PTPRN2: variants seen among roughly 807,000 people sequenced by gnomAD.
PTPRN2 encodes receptor-type tyrosine-protein phosphatase N2.
PTPRN2 carries 74 observed loss-of-function variants against 118.8 expected under a neutral mutation model. That is an observed-to-expected ratio of 0.62 (90% CI 0.52 to 0.76). The LOEUF is 0.76. PTPRN2 is among the 30% of genes least tolerant of loss of function. The pLI is 0.00. For synonymous variants in PTPRN2, 641 were observed against 608.0 expected (o/e 1.05, Z -0.80); for missense variants, 1,481 against 1,394.4 (o/e 1.06, Z -0.99).
At chr7:157,605,967 ATC>A (rs1801977914) in intron 15 of PTPRN2, among the ~76,000 whole-genome samples, 1 of 152,176 alleles carries the variant, frequency 6.6e-6, no homozygotes, top group Non-Finnish European at 1.5e-5. Flanking sequence ...TTGCCCAGGA[ATC>A]TCTGTCTCCT....
In PTPRN2 at chr7:158,093,214, G is replaced by A. The variant is rs528873096; in HGVS notation, c.1644-11837C>T. ...ACCTCTGTCCTTTCCTGACTCTGCC[G>A]CTGGACCGACCCCCCACACTGTAGA... On this transcript the variant is annotated intron_variant, in intron 10 of 22. Transcript: ENST00000389418. The surrounding 1 kb of genome is among the most constrained non-coding windows in gnomAD (Gnocchi z 4.4). Among the ~76,000 whole-genome samples, 7 of 54,672 alleles carry A rather than the reference G, an allele frequency of 1.3e-4. 2 individuals are homozygous for A. The East Asian group carries it at 3.7e-3, about 29-fold the overall frequency. 35.9% of individuals were successfully genotyped at this position (54,672 alleles called of 152,430 possible).
chr7:158,267,446 C>T (rs1175221500), intron 3 of PTPRN2, among the ~76,000 whole-genome samples: 1 of 152,176 alleles, frequency 6.6e-6, no homozygotes, highest in Non-Finnish European at 1.5e-5. Context: ...GTGGACAACG[C>T]CCAGACCCTG....
At chr7:158,489,202 T>G (rs149495475) in intron 2 of PTPRN2, among the ~76,000 whole-genome samples, 29,156 of 152,164 alleles carry the variant, frequency 0.19, 3,287 homozygotes, top group East Asian at 0.41. Context: ...TCCCAGCAGT[T>G]TGGGAGGCCG....
intron 2 of PTPRN2, among the ~76,000 whole-genome samples, chr7:158,358,842 G>A (rs1808597284): frequency 6.6e-6 from 1 of 152,260 alleles, no homozygotes; most frequent in South Asian, 2.1e-4. Context: ...GGAATAGAAA[G>A]TTGGCAGGTG....
chr7:158,196,290 C>G (rs1826205512), intron 4 of PTPRN2, among the ~76,000 whole-genome samples: 1 of 152,172 alleles, frequency 6.6e-6, no homozygotes, highest in Non-Finnish European at 1.5e-5. Flanking sequence ...CTCAAGCTGC[C>G]TTGGTTTCCC....
chr7:158,513,970 G>A (rs1490168165), intron 1 of PTPRN2, among the ~76,000 whole-genome samples: 1 of 152,220 alleles, frequency 6.6e-6, no homozygotes, highest in East Asian at 1.9e-4. Flanking sequence ...CAAAGGGTGT[G>A]ATTTTGAAGC....
chr7:157,964,811 A>G lies in PTPRN2; in HGVS notation c.1724-66074T>C, dbSNP rs1429628076. On this transcript the variant is annotated intron_variant, in intron 11 of 22. Coordinates refer to ENST00000389418, the MANE Select transcript of PTPRN2 (RefSeq NM_002847.5). This position sits in a 1 kb window ranked among gnomAD's most constrained non-coding sequence, Gnocchi z 9.0. ...CCCCACTCAACCCTGGCTGATCCCC[A>G]TGGCCTGTTCTTTCGACGATCCTCC... is the stretch of plus-strand genomic sequence containing the variant. Among the ~76,000 whole-genome samples, 1 of 152,156 alleles carries G rather than the reference A, an allele frequency of 6.6e-6. No individual in the cohort carries two copies. The highest frequency in any genetic ancestry group is 6.5e-5 in the Admixed American group (1 of 15,280).
chr7:158,554,691 G>C (rs1386100194), intron 1 of PTPRN2, among the ~76,000 whole-genome samples: 1 of 152,192 alleles, frequency 6.6e-6, no homozygotes, highest in Non-Finnish European at 1.5e-5. Flanking sequence ...GGTGGAGGGG[G>C]AGTGGGATGT....
intron 3 of PTPRN2, among the ~76,000 whole-genome samples, chr7:158,275,026 G>T (rs1328230037): frequency 6.6e-6 from 1 of 152,188 alleles, no homozygotes; most frequent in Non-Finnish European, 1.5e-5. Context: ...CTTTCTGATT[G>T]TGGGGTTCAA....
At chr7:157,979,622 C>T (rs1802986359) in intron 11 of PTPRN2, among the ~76,000 whole-genome samples, 1 of 152,172 alleles carries the variant, frequency 6.6e-6, no homozygotes, top group African/African-American at 2.4e-5. Flanking sequence ...ACAGAAGAGC[C>T]ATGCAGCCCG....
At chr7:157,759,858 C>T (rs1802026781) in intron 12 of PTPRN2, among the ~76,000 whole-genome samples, 1 of 152,196 alleles carries the variant, frequency 6.6e-6, no homozygotes, top group South Asian at 2.1e-4. Context: ...AGCCCCTGCC[C>T]CTCTCTTGGG....
chr7:157,735,469 C>T (rs1445907793), intron 12 of PTPRN2, among the ~76,000 whole-genome samples: 2 of 152,148 alleles, frequency 1.3e-5, no homozygotes, highest in African/African-American at 2.4e-5. Context: ...CTGTGTGCAG[C>T]GGCCCAGGAA....
At chr7:158,325,138 A>G (rs1029183407) in intron 2 of PTPRN2, among the ~76,000 whole-genome samples, 2 of 142,620 alleles carry the variant, frequency 1.4e-5, no homozygotes, top group Admixed American at 1.4e-4. Context: ...AGTCCCCACA[A>G]TTCTCCACAG....
At chr7:158,446,586 G>A (rs1817743621) in intron 2 of PTPRN2, among the ~76,000 whole-genome samples, 1 of 152,210 alleles carries the variant, frequency 6.6e-6, no homozygotes, top group African/African-American at 2.4e-5. Flanking sequence ...ACCCCACCTG[G>A]ACCCTGCCTG....
intron 1 of PTPRN2, among the ~76,000 whole-genome samples, chr7:158,543,772 C>T (rs1826130650): frequency 6.6e-6 from 1 of 152,214 alleles, no homozygotes; most frequent in South Asian, 2.1e-4. Flanking sequence ...TGTCAAAATA[C>T]ACACACAGTT....
intron 9 of PTPRN2, among the ~76,000 whole-genome samples, chr7:158,125,940 TG>T (rs1817623809): frequency 6.6e-6 from 1 of 152,170 alleles, no homozygotes; most frequent in Admixed American, 6.5e-5. Flanking sequence ...GCTGAACCCC[TG>T]AGGGGCTCCT....
At chr7:158,238,077 G>A (rs1039261536) in intron 3 of PTPRN2, among the ~76,000 whole-genome samples, 6 of 152,122 alleles carry the variant, frequency 3.9e-5, no homozygotes, top group Non-Finnish European at 8.8e-5. Context: ...GTGCAGCCGC[G>A]GCCTCCTGCT....
chr7:158,384,337 G>T (rs944401995), intron 2 of PTPRN2, among the ~76,000 whole-genome samples: 2 of 152,168 alleles, frequency 1.3e-5, no homozygotes, highest in Non-Finnish European at 2.9e-5. Context: ...ACAACACAGG[G>T]CAGAAGCAGC....
At chr7:158,514,358 C>T (rs573252970) in intron 1 of PTPRN2, among the ~76,000 whole-genome samples, 39 of 152,278 alleles carry the variant, frequency 2.6e-4, no homozygotes, top group African/African-American at 8.9e-4. Context: ...ATGGAGATGA[C>T]CCCAGGATGG....
Sources: gnomAD v4.1 joint callset for allele counts (sites outside exome capture counted in the v4.1 genomes callset) on GRCh38, gnomAD v4.1.1 for gene constraint, Gnocchi (gnomAD v3.1) non-coding constraint, MANE v1.5 for transcripts, NCBI Gene and HGNC (gene_info 2026-07-23, HGNC 2026-07-21) for gene names.